SDK1: variants seen among roughly 807,000 people sequenced by gnomAD.
SDK1 encodes sidekick cell adhesion molecule 1.
A neutral mutation model predicts 245.5 loss-of-function variants in SDK1; 157 were observed. The ratio of observed to expected loss-of-function variants is 0.64; its 90% CI spans 0.56 to 0.73. The LOEUF is 0.73. Among genes scored for constraint, SDK1 ranks in the 30% least tolerant of loss-of-function variants. SDK1 has a pLI of 0.00. For missense variants in SDK1, 3,583 were observed against 3,002.3 expected (o/e 1.19, Z -4.52); for synonymous variants, 1,647 against 1,278.5 (o/e 1.29, Z -6.15).
At chr7:3,679,528 C>CT (rs981350308) in intron 4 of SDK1, among the ~76,000 whole-genome samples, 9 of 151,958 alleles carry the variant, frequency 5.9e-5, no homozygotes, top group African/African-American at 1.9e-4. Flanking sequence ...GATCGTGCCA[C>CT]TGCACTCCAG....
chr7:3,969,162 C>A (rs1782295430), intron 10 of SDK1, 95 bp from the exon 11 acceptor site: 1 of 1,180,918 alleles, frequency 8.5e-7, no homozygotes, highest in Non-Finnish European at 1.2e-6. Context: ...GGACACGGAG[C>A]CGAACCATAT....
intron 1 of SDK1, among the ~76,000 whole-genome samples, chr7:3,466,823 C>G (rs1781016015): frequency 2.0e-5 from 3 of 151,664 alleles, no homozygotes; most frequent in African/African-American, 4.8e-5. Flanking sequence ...ATTTTCATAA[C>G]CAAGGATTTT....
chr7:3,584,985 A>C lies in SDK1; in HGVS notation c.299-34095A>C, dbSNP rs540520063. Among the ~76,000 whole-genome samples the C allele has an allele frequency of 2.6e-3, 398 of 152,100 alleles. 3 individuals are homozygous for C. Among genetic ancestry groups the C allele is most frequent in the African/African-American group, 9.4e-3 (391 of 41,504 alleles). ...GTAATCTGCCCTCCTCGGCCTCCCAAAGTGCTGGGATTACAGACGTGAGCC... is the reference window on the plus strand; with the variant it reads ...GTAATCTGCCCTCCTCGGCCTCCCACAGTGCTGGGATTACAGACGTGAGCC... On this transcript the variant is annotated intron_variant, in intron 1 of 44. Coordinates refer to ENST00000404826, the MANE Select transcript of SDK1 (RefSeq NM_152744.4).
chr7:3,494,553 G>A (rs1175617517), intron 1 of SDK1, among the ~76,000 whole-genome samples: 3 of 152,142 alleles, frequency 2.0e-5, no homozygotes, highest in African/African-American at 7.2e-5. Context: ...TATGAAGTGT[G>A]GGATGATTGA....
intron 1 of SDK1, among the ~76,000 whole-genome samples, chr7:3,526,248 A>G (rs1461397105): frequency 6.6e-6 from 1 of 152,144 alleles, no homozygotes; most frequent in East Asian, 1.9e-4. Context: ...AAGAAAAAAA[A>G]AAATCACACT....
intron 4 of SDK1, among the ~76,000 whole-genome samples, chr7:3,728,346 A>G (rs1487271567): frequency 6.6e-6 from 1 of 152,216 alleles, no homozygotes; most frequent in Admixed American, 6.5e-5. Flanking sequence ...TGACCAACTT[A>G]GTGGAATGTT....
intron 5 of SDK1, among the ~76,000 whole-genome samples, chr7:3,867,075 T>C (rs920406419): frequency 6.6e-5 from 10 of 152,192 alleles, no homozygotes; most frequent in Admixed American, 6.5e-4. Flanking sequence ...TTCCCCGTGC[T>C]AATGGAAAAG....
rs114344106 is a variant in SDK1 at position 3,459,401 on chromosome 7, T to A, written c.298+157517T>A. 5.4e-3 allele frequency among the ~76,000 whole-genome samples: 824 copies of A among 152,308 alleles called. 6 individuals carry two copies. Among genetic ancestry groups the A allele is most frequent in the African/African-American group, 0.019 (785 of 41,576 alleles). On this transcript the variant is annotated intron_variant, in intron 1 of 44. Coordinates refer to ENST00000404826, the MANE Select transcript of SDK1 (RefSeq NM_152744.4). ...TGTATTAGTTTTTAACATTATCTGA[T>A]GTTGACAGGCAGTCGATATAGTGCT...
At chr7:3,762,556 G>A (rs1583387895) in intron 4 of SDK1, among the ~76,000 whole-genome samples, 1 of 152,308 alleles carries the variant, frequency 6.6e-6, no homozygotes, top group East Asian at 1.9e-4. Context: ...ATTGTGCTTT[G>A]GTTGGTTGGG....
At chr7:3,650,235 A>G (rs891782910) in intron 4 of SDK1, among the ~76,000 whole-genome samples, 1 of 152,078 alleles carries the variant, frequency 6.6e-6, no homozygotes, top group African/African-American at 2.4e-5. Flanking sequence ...TATTTTAACC[A>G]CTTTTAAGTA....
intron 5 of SDK1, among the ~76,000 whole-genome samples, chr7:3,930,675 C>G (rs547729756): frequency 1.1e-4 from 17 of 152,280 alleles, no homozygotes; most frequent in African/African-American, 3.6e-4. Flanking sequence ...CACCTGTAAT[C>G]CCAGCTACTT....
intron 4 of SDK1, among the ~76,000 whole-genome samples, chr7:3,719,615 C>G (rs1212043930): frequency 1.3e-5 from 2 of 152,110 alleles, no homozygotes; most frequent in Non-Finnish European, 2.9e-5. Flanking sequence ...GAACCTTGAC[C>G]TAAAGTTCAT....
chr7:3,899,805 C>G (rs949064643), intron 5 of SDK1, among the ~76,000 whole-genome samples: 6 of 152,248 alleles, frequency 3.9e-5, no homozygotes, highest in Non-Finnish European at 8.8e-5. Flanking sequence ...TGACACTCCT[C>G]TATAGGGGGC....
intron 35 of SDK1, among the ~76,000 whole-genome samples, chr7:4,184,039 C>T (rs1199554029): frequency 6.6e-6 from 1 of 152,216 alleles, no homozygotes; most frequent in Non-Finnish European, 1.5e-5. Flanking sequence ...AAAGCCAGTT[C>T]GCCATTCCCT....
chr7:3,768,757 C>T lies in SDK1; in HGVS notation c.714-52693C>T, dbSNP rs545503459. ...AATTGACCAGAAATAGTCACCAATGCTTCACACTTTCTGAAACTCCCACGT... is the reference window on the plus strand; with the variant it reads ...AATTGACCAGAAATAGTCACCAATGTTTCACACTTTCTGAAACTCCCACGT... On this transcript the variant is annotated intron_variant, in intron 4 of 44. Coordinates refer to ENST00000404826, the MANE Select transcript of SDK1 (RefSeq NM_152744.4). Among the ~76,000 whole-genome samples, 91 of 152,310 alleles carry T rather than the reference C, an allele frequency of 6.0e-4. 3 individuals carry two copies. In the South Asian group the frequency reaches 0.018, roughly 31 times the overall value.
At chr7:3,625,065 T>C (rs1453257056) in intron 2 of SDK1, among the ~76,000 whole-genome samples, 1 of 152,028 alleles carries the variant, frequency 6.6e-6, no homozygotes, top group East Asian at 1.9e-4. Flanking sequence ...ATTATATATA[T>C]ATTCAAATGA....
intron 4 of SDK1, among the ~76,000 whole-genome samples, chr7:3,807,971 C>G (rs991215827): frequency 1.6e-4 from 24 of 152,252 alleles, no homozygotes; most frequent in African/African-American, 5.5e-4. Context: ...CAATTATTAT[C>G]CCCATCTGAC....
intron 4 of SDK1, among the ~76,000 whole-genome samples, chr7:3,817,776 C>T (rs1039385608): frequency 6.6e-6 from 1 of 152,212 alleles, no homozygotes; most frequent in African/African-American, 2.4e-5. Flanking sequence ...CCTCGGATTT[C>T]ATCTTTTCTG....
chr7:3,895,148 G>T (rs1781569687), intron 5 of SDK1, among the ~76,000 whole-genome samples: 1 of 152,196 alleles, frequency 6.6e-6, no homozygotes, highest in South Asian at 2.1e-4. Context: ...TATCATTGCA[G>T]TTCAAGAAAG....
Sources: gnomAD v4.1 joint callset for allele counts (sites outside exome capture counted in the v4.1 genomes callset) on GRCh38, gnomAD v4.1.1 for gene constraint, MANE v1.5 for transcripts, NCBI Gene and HGNC (gene_info 2026-07-23, HGNC 2026-07-21) for gene names.